CERS6: variants seen among roughly 807,000 people sequenced by gnomAD.
The protein encoded by CERS6 is LAG1 homolog, ceramide synthase 6.
In CERS6, 26 loss-of-function variants were observed where a neutral mutation model predicts 56.8. The observed-to-expected ratio is 0.46, with a 90% CI of 0.34 to 0.63. The LOEUF (loss-of-function observed/expected upper bound fraction) is 0.63, where lower values mean the gene tolerates loss of function less well. Ranked by LOEUF, CERS6 falls within the 30% of genes least tolerant of loss-of-function variation. The pLI is 0.01. For synonymous variants in CERS6, 164 were observed against 173.3 expected (o/e 0.95, Z 0.42); for missense variants, 415 against 467.5 (o/e 0.89, Z 1.04).
chr2:168,615,984 C>A (rs1054638554), intron 3 of CERS6, among the ~76,000 whole-genome samples: 1 of 152,120 alleles, frequency 6.6e-6, no homozygotes, highest in South Asian at 2.1e-4. Context: ...CACCAGGTAA[C>A]CTATAAAGGA....
intron 8 of CERS6, among the ~76,000 whole-genome samples, chr2:168,752,615 A>G (rs1235372720): frequency 6.6e-6 from 1 of 152,164 alleles, no homozygotes; most frequent in Non-Finnish European, 1.5e-5. Context: ...GGAGCGTGGC[A>G]CGTAGCTGGC....
chr2:168,481,514 A>G (rs1021602172), intron 1 of CERS6, among the ~76,000 whole-genome samples: 1 of 152,190 alleles, frequency 6.6e-6, no homozygotes, highest in African/African-American at 2.4e-5. Flanking sequence ...TTCCTGGTCA[A>G]GTCGGATCAT....
chr2:168,588,776 G>C (rs1683605632), intron 3 of CERS6, among the ~76,000 whole-genome samples: 1 of 152,198 alleles, frequency 6.6e-6, no homozygotes, highest in African/African-American at 2.4e-5. Flanking sequence ...GTTTGAGACA[G>C]AGTCTTGTTC....
chr2:168,723,548 A>T (rs1448835266), intron 8 of CERS6, among the ~76,000 whole-genome samples: 1 of 118,810 alleles, frequency 8.4e-6, no homozygotes, highest in Non-Finnish European at 1.9e-5. Flanking sequence ...TCTGAATTTT[A>T]TTGTATCAAA....
At chr2:168,543,561 A>T (rs993150049) in intron 1 of CERS6, among the ~76,000 whole-genome samples, 1 of 152,182 alleles carries the variant, frequency 6.6e-6, no homozygotes, top group Non-Finnish European at 1.5e-5. Context: ...TTTGTATCTA[A>T]ATATGCTCTC....
chr2:168,683,567 C>T (rs1686270451), intron 4 of CERS6, among the ~76,000 whole-genome samples: 1 of 152,208 alleles, frequency 6.6e-6, no homozygotes, highest in Non-Finnish European at 1.5e-5. Flanking sequence ...TCAGATTCTA[C>T]ATTGGCCTGC....
At chr2:168,515,207 A>G (rs1694864002) in intron 1 of CERS6, among the ~76,000 whole-genome samples, 1 of 152,244 alleles carries the variant, frequency 6.6e-6, no homozygotes, top group South Asian at 2.1e-4. Flanking sequence ...GAATTGCAAG[A>G]GAACATATTC....
intron 1 of CERS6, among the ~76,000 whole-genome samples, chr2:168,545,287 C>T (rs1040710059): frequency 6.6e-6 from 1 of 152,050 alleles, no homozygotes. Context: ...ATAATTCCCA[C>T]CCTATCCTTT....
chr2:168,631,096 C>T, intron 4 of CERS6, 54 bp downstream of exon 4: 2 of 724,940 alleles, frequency 2.8e-6, no homozygotes, highest in Non-Finnish European at 3.9e-6. Context: ...ATGTCTATAT[C>T]CTGGTTTTTT....
chr2:168,547,180 T>C (rs1695480462), intron 1 of CERS6, among the ~76,000 whole-genome samples: 1 of 152,242 alleles, frequency 6.6e-6, no homozygotes, highest in Non-Finnish European at 1.5e-5. Context: ...CAAAGCGCTC[T>C]CTCTGCATGG....
At chr2:168,691,671 A>C (rs188708288) in intron 5 of CERS6, among the ~76,000 whole-genome samples, 70 of 152,336 alleles carry the variant, frequency 4.6e-4, no homozygotes, top group Middle Eastern at 3.4e-3. Flanking sequence ...ATCTCTGCCC[A>C]CTGGCATACC....
chr2:168,714,766 C>T (rs759923701), intron 6 of CERS6, among the ~76,000 whole-genome samples: 1 of 152,178 alleles, frequency 6.6e-6, no homozygotes, highest in Admixed American at 6.5e-5. Context: ...AGTGGGCCCT[C>T]TCCAGATACC....
intron 4 of CERS6, among the ~76,000 whole-genome samples, chr2:168,659,876 C>A (rs990687336): frequency 3.9e-5 from 6 of 152,102 alleles, no homozygotes; most frequent in Non-Finnish European, 7.4e-5. Context: ...ATGCCATTTT[C>A]TTTGTAGGAA....
intron 3 of CERS6, among the ~76,000 whole-genome samples, chr2:168,590,394 A>C (rs553262880): frequency 6.6e-6 from 1 of 152,202 alleles, no homozygotes; most frequent in Admixed American, 6.5e-5. Context: ...GAAATAAACT[A>C]TCAGACTTAT....
intron 2 of CERS6, among the ~76,000 whole-genome samples, chr2:168,560,214 C>A (rs1695763069): frequency 6.6e-6 from 1 of 152,128 alleles, no homozygotes; most frequent in East Asian, 1.9e-4. Context: ...GACTTATTCA[C>A]AATCATGAGA....
chr2:168,458,356 G>T (rs1693714580), intron 1 of CERS6, among the ~76,000 whole-genome samples: 1 of 152,190 alleles, frequency 6.6e-6, no homozygotes, highest in African/African-American at 2.4e-5. Flanking sequence ...CCTTCTCTAT[G>T]CTGATTCCAG....
chr2:168,624,103 C>G (rs570625193), intron 3 of CERS6, among the ~76,000 whole-genome samples: 2 of 152,248 alleles, frequency 1.3e-5, no homozygotes, highest in South Asian at 2.1e-4. Flanking sequence ...AAGACCGAAT[C>G]GTTGCATTCA....
At chr2:168,743,995 CTTTTTTTTTT>C (rs58256507) in intron 8 of CERS6, among the ~76,000 whole-genome samples, 2 of 63,404 alleles carry the variant, frequency 3.2e-5, no homozygotes, top group Non-Finnish European at 5.5e-5. Context: ...TCTTTTTTTT[CTTTTTTTTTT>C]TTTTTTTTTT....
rs554104766 is a variant in CERS6 at position 168,463,234 on chromosome 2, T to C, written c.170+6616T>C. ...AATTTTGGTGTCTCCTATTTTAAAG[T>C]AAATATCATTCAATCATACTGTATA... On this transcript the variant is annotated intron_variant, in intron 1 of 9. Coordinates refer to ENST00000305747, the MANE Select transcript of CERS6 (RefSeq NM_203463.3). 3.3e-5 allele frequency among the ~76,000 whole-genome samples: 5 copies of C among 152,346 alleles called. No homozygotes were observed. In the South Asian group the frequency reaches 8.3e-4, roughly 25 times the overall value.
Sources: gnomAD v4.1 joint callset for allele counts (sites outside exome capture counted in the v4.1 genomes callset) on GRCh38, gnomAD v4.1.1 for gene constraint, MANE v1.5 for transcripts, NCBI Gene and HGNC (gene_info 2026-07-23, HGNC 2026-07-21) for gene names.